The following CFAP61 variants were observed in gnomAD, a reference collection of about 807,000 sequenced individuals.
The protein encoded by CFAP61 is cilia- and flagella-associated protein 61.
CFAP61 carries 107 observed loss-of-function variants against 135.6 expected under a neutral mutation model. The ratio of observed to expected loss-of-function variants is 0.79; its 90% CI spans 0.67 to 0.93. The LOEUF (loss-of-function observed/expected upper bound fraction) is 0.93. Among genes scored for constraint, CFAP61 ranks in the 40% least tolerant of loss-of-function variants. The pLI is 0.00. For missense variants in CFAP61, 1,507 were observed against 1,556.2 expected, an observed-to-expected ratio of 0.97 and a Z score of 0.53; for synonymous variants, 575 against 578.5, an observed-to-expected ratio of 0.99 and a Z score of 0.09.
chr20:20,122,269 T>G (rs1414438740), intron 8 of CFAP61, among the ~76,000 whole-genome samples: 1 of 152,146 alleles, frequency 6.6e-6, no homozygotes, highest in Non-Finnish European at 1.5e-5. Context: ...TTCTCCTGCC[T>G]CAGCCTCTCC....
At chr20:20,266,786 C>T (rs2052775172) in intron 21 of CFAP61, among the ~76,000 whole-genome samples, 1 of 152,096 alleles carries the variant, frequency 6.6e-6, no homozygotes. Context: ...TTGGGTCTGC[C>T]GTTTCCCTGG....
chr20:20,057,967 A>G (rs2044505692), intron 2 of CFAP61, among the ~76,000 whole-genome samples: 1 of 152,136 alleles, frequency 6.6e-6, no homozygotes, highest in Admixed American at 6.5e-5. Flanking sequence ...GCCTCAAGTG[A>G]TCTGCCTGCC....
intron 13 of CFAP61, chr20:20,171,708 AT>A: frequency 3.2e-6 from 2 of 622,304 alleles, no homozygotes; most frequent in South Asian, 2.0e-5. Flanking sequence ...ACTGTAACAC[AT>A]TTTTAAAAAC....
chr20:20,343,647 G>A (rs1332945790), intron 26 of CFAP61, among the ~76,000 whole-genome samples: 5 of 152,160 alleles, frequency 3.3e-5, no homozygotes, highest in East Asian at 3.9e-4. Flanking sequence ...TTCCTTCCTT[G>A]CAGAATGTCA....
intron 9 of CFAP61, among the ~76,000 whole-genome samples, chr20:20,155,056 G>A (rs1469974514): frequency 1.3e-5 from 2 of 152,010 alleles, no homozygotes; most frequent in Non-Finnish European, 2.9e-5. Flanking sequence ...AAAAAAGCAT[G>A]GTACTGGTAT....
chr20:20,161,272 C>T (rs924770382), intron 10 of CFAP61, among the ~76,000 whole-genome samples: 4 of 152,088 alleles, frequency 2.6e-5, no homozygotes, highest in African/African-American at 7.2e-5. Flanking sequence ...AGGATGCCTG[C>T]CCCCACCACT....
chr20:20,126,983 C>A (rs1012722971), intron 8 of CFAP61, among the ~76,000 whole-genome samples: 1 of 151,340 alleles, frequency 6.6e-6, no homozygotes, highest in Non-Finnish European at 1.5e-5. Flanking sequence ...CTCTGAATTT[C>A]TTTCTTCTGC....
chr20:20,296,335 CCTT>C (rs2055567424), intron 24 of CFAP61, among the ~76,000 whole-genome samples: 3 of 118,874 alleles, frequency 2.5e-5, no homozygotes, highest in Non-Finnish European at 3.5e-5. Flanking sequence ...TCCCTTCCTT[CCTT>C]CCTTGCTTCC....
At chr20:20,138,316 G>T (rs908251015) in intron 8 of CFAP61, among the ~76,000 whole-genome samples, 6 of 152,192 alleles carry the variant, frequency 3.9e-5, no homozygotes, top group East Asian at 1.9e-4. Context: ...AGTCCTCGTG[G>T]CCTAGACAGC....
At chr20:20,309,061 C>G (rs991242399) in intron 25 of CFAP61, among the ~76,000 whole-genome samples, 2 of 152,164 alleles carry the variant, frequency 1.3e-5, no homozygotes, top group African/African-American at 4.8e-5. Context: ...AGGAACTGGC[C>G]TGCCTGCCTA....
intron 1 of CFAP61, among the ~76,000 whole-genome samples, chr20:20,056,353 A>C (rs565900719): frequency 2.6e-5 from 4 of 152,176 alleles, no homozygotes; most frequent in Non-Finnish European, 5.9e-5. Context: ...TTCCAATTCT[A>C]TTGTTAGAAT....
intron 25 of CFAP61, among the ~76,000 whole-genome samples, chr20:20,300,537 T>C (rs886344797): frequency 1.3e-5 from 2 of 152,048 alleles, no homozygotes; most frequent in African/African-American, 2.4e-5. Context: ...AAATAATTTG[T>C]AAATAAGGAC....
intron 8 of CFAP61, among the ~76,000 whole-genome samples, chr20:20,124,145 C>G (rs2049897927): frequency 6.6e-6 from 1 of 151,342 alleles, no homozygotes; most frequent in African/African-American, 2.5e-5. Flanking sequence ...TTGGAAGAGT[C>G]TTTAGGGTTT....
At chr20:20,072,736 T>C (rs968629282) in intron 3 of CFAP61, among the ~76,000 whole-genome samples, 4 of 152,206 alleles carry the variant, frequency 2.6e-5, no homozygotes, top group Non-Finnish European at 5.9e-5. Context: ...GCTTGAAATG[T>C]AGCTAGTCTG....
At chr20:20,214,682 C>CA (rs981327115) in intron 17 of CFAP61, among the ~76,000 whole-genome samples, 1 of 152,244 alleles carries the variant, frequency 6.6e-6, no homozygotes, top group Non-Finnish European at 1.5e-5. Flanking sequence ...AGAAGACTCA[C>CA]AGCCCCCTGG....
chr20:20,079,225 C>T (rs2046264393), intron 6 of CFAP61, among the ~76,000 whole-genome samples: 1 of 152,126 alleles, frequency 6.6e-6, no homozygotes, highest in Non-Finnish European at 1.5e-5. Context: ...TTCCTCAGGA[C>T]CTAGTCCTCA....
chr20:20,262,702 T>C (rs142851536), intron 20 of CFAP61, among the ~76,000 whole-genome samples: 50 of 152,230 alleles, frequency 3.3e-4, no homozygotes, highest in African/African-American at 1.2e-3. Context: ...TAATGGTTGA[T>C]TTTTACCACT....
Position 20,200,292 on chromosome 20 carries a change from G to A in CFAP61, c.1932+390G>A, listed in dbSNP as rs568894285. 2.0e-5 allele frequency among the ~76,000 whole-genome samples: 3 copies of A among 152,308 alleles called. No individual in the cohort carries two copies. The South Asian group carries it at 6.2e-4, about 32-fold the overall frequency. On this transcript the variant is annotated intron_variant, in intron 17 of 26. Coordinates refer to ENST00000245957, the MANE Select transcript of CFAP61 (RefSeq NM_015585.4). ...AGTGGTCATTCGCTGTTAGGACAAA[G>A]CTGACAGAGAAAACAGAGCTGGCTG...
intron 17 of CFAP61, among the ~76,000 whole-genome samples, chr20:20,206,607 T>G (rs1436564589): frequency 6.6e-6 from 1 of 152,176 alleles, no homozygotes; most frequent in Non-Finnish European, 1.5e-5. Flanking sequence ...CTCTTTTTTA[T>G]TGTTGACTAT....
Sources: gnomAD v4.1 joint callset for allele counts (sites outside exome capture counted in the v4.1 genomes callset) on GRCh38, gnomAD v4.1.1 for gene constraint, MANE v1.5 for transcripts, NCBI Gene and HGNC (gene_info 2026-07-23, HGNC 2026-07-21) for gene names.